Variants in CHLSN observed in about 807,000 individuals in gnomAD.
CHLSN encodes cholesin, also known as protein cholesin.
chr7:1,048,238 C>T, the CHLSN span, among the ~76,000 whole-genome samples: 4 of 152,134 alleles, frequency 2.6e-5, no homozygotes, highest in African/African-American at 7.2e-5. Flanking sequence ...TGGGGATCAC[C>T]GGGCGTGGGA....
the CHLSN span, among the ~76,000 whole-genome samples, chr7:1,059,495 G>A: frequency 7.1e-6 from 1 of 140,662 alleles, no homozygotes; most frequent in Admixed American, 6.8e-5. Flanking sequence ...ATAGTGGGGC[G>A]GGTCCGTAGT....
chr7:1,092,952 C>G, the CHLSN span: 1 of 1,196,310 alleles, frequency 8.4e-7, no homozygotes, highest in Middle Eastern at 1.9e-4. Flanking sequence ...CTCTAAACTG[C>G]GGTCAGATGT....
chr7:987,483 C>T, the CHLSN span: 2 of 1,552,642 alleles, frequency 1.3e-6, no homozygotes, highest in South Asian at 2.3e-5. Context: ...CGCACGTGCC[C>T]CGCTGCACCG....
the CHLSN span, among the ~76,000 whole-genome samples, chr7:1,064,915 A>C: frequency 6.6e-6 from 1 of 152,252 alleles, no homozygotes; most frequent in Non-Finnish European, 1.5e-5. Context: ...AGCGAGCAGC[A>C]TCCGATTCTT....
the CHLSN span, among the ~76,000 whole-genome samples, chr7:1,090,534 G>A: frequency 6.6e-6 from 1 of 151,554 alleles, no homozygotes; most frequent in Non-Finnish European, 1.5e-5. Context: ...GGCAGGTGAT[G>A]GGACCCTACC....
the CHLSN span, among the ~76,000 whole-genome samples, chr7:1,002,789 T>C: frequency 7.1e-5 from 4 of 56,084 alleles, no homozygotes; most frequent in Non-Finnish European, 1.4e-4. Flanking sequence ...TGGAGTCCTG[T>C]GGGTGAGTGG....
chr7:1,006,598 C>T, the CHLSN span, among the ~76,000 whole-genome samples: 1 of 121,832 alleles, frequency 8.2e-6, no homozygotes, highest in Non-Finnish European at 1.7e-5. Flanking sequence ...AAAGAGCGCA[C>T]GACGGCCACA....
the CHLSN span, among the ~76,000 whole-genome samples, chr7:1,051,037 C>T: frequency 6.6e-6 from 1 of 152,182 alleles, no homozygotes; most frequent in Non-Finnish European, 1.5e-5. Flanking sequence ...TGCGCAGCCC[C>T]GCAGATGGCT....
chr7:1,126,289 G>A, the CHLSN span, among the ~76,000 whole-genome samples: 4 of 150,638 alleles, frequency 2.7e-5, no homozygotes, highest in East Asian at 7.8e-4. Flanking sequence ...GAACCTGGGA[G>A]GCGGAGCTGG....
the CHLSN span, among the ~76,000 whole-genome samples, chr7:1,001,211 C>T: frequency 6.6e-6 from 1 of 152,214 alleles, no homozygotes; most frequent in Non-Finnish European, 1.5e-5. Flanking sequence ...GCAGCCGAGC[C>T]CAGAAGCCTC....
At chr7:1,060,402 C>T in the CHLSN span, among the ~76,000 whole-genome samples, 2 of 152,152 alleles carry the variant, frequency 1.3e-5, no homozygotes, top group African/African-American at 4.8e-5. Context: ...TGGGAGCTGC[C>T]CTGAGCGCCC....
chr7:1,099,806 G>A, the CHLSN span, among the ~76,000 whole-genome samples: 3 of 152,174 alleles, frequency 2.0e-5, no homozygotes, highest in Non-Finnish European at 4.4e-5. Context: ...TGTGCTGTTC[G>A]CAGACACGTC....
chr7:1,016,695 ATGC>A, the CHLSN span, among the ~76,000 whole-genome samples: 123 of 95,222 alleles, frequency 1.3e-3, 5 homozygotes, highest in African/African-American at 5.4e-3. Context: ...ACAGCAGCGC[ATGC>A]CAGCACACGC....
At chr7:1,073,438 A>G in the CHLSN span, among the ~76,000 whole-genome samples, 2 of 150,164 alleles carry the variant, frequency 1.3e-5, no homozygotes, top group Non-Finnish European at 3.0e-5. Context: ...TCTGCTTCCC[A>G]CCCCCTAATC....
chr7:989,654 G>A, the CHLSN span: 1 of 154,714 alleles, frequency 6.5e-6, no homozygotes, highest in Admixed American at 6.4e-5. Context: ...GGTGGCACGT[G>A]CCTGTAATCC....
the CHLSN span, among the ~76,000 whole-genome samples, chr7:1,115,455 C>A: frequency 6.6e-6 from 1 of 152,252 alleles, no homozygotes; most frequent in Non-Finnish European, 1.5e-5. Context: ...ACGCCATCCA[C>A]CCTCCTCATC....
chr7:1,029,329 C>G, the CHLSN span, among the ~76,000 whole-genome samples: 1 of 152,120 alleles, frequency 6.6e-6, no homozygotes, highest in African/African-American at 2.4e-5. Context: ...GGTCTCACTA[C>G]GTTGCCCAGG....
At chr7:1,094,025 T>C in the CHLSN span, among the ~76,000 whole-genome samples, 12 of 152,360 alleles carry the variant, frequency 7.9e-5, no homozygotes, top group African/African-American at 2.4e-4. Context: ...TTCTGTGTCA[T>C]GCTTGGGTGC....
the CHLSN span, chr7:1,028,397 G>T: frequency 1.0e-6 from 1 of 987,348 alleles, no homozygotes. Flanking sequence ...GGCGCGGCTG[G>T]AACCAGATCC....
Sources: allele counts gnomAD v4.1 joint callset (sites outside exome capture counted in the v4.1 genomes callset), GRCh38; gene constraint gnomAD v4.1.1; transcripts MANE v1.5; gene names NCBI Gene and HGNC (gene_info 2026-07-23, HGNC 2026-07-21).